FER1L6: variants seen among roughly 807,000 people sequenced by gnomAD.
FER1L6 encodes fer-1-like protein 6.
FER1L6 carries 177 observed loss-of-function variants against 219.2 expected under a neutral mutation model. The observed-to-expected ratio is 0.81, with a 90% CI of 0.71 to 0.91. FER1L6 has a LOEUF of 0.91. FER1L6 is among the 40% of genes least tolerant of loss of function. The probability of loss-of-function intolerance (pLI) is 0.00; values close to 1 mark genes in which losing one functional copy is unlikely to be tolerated. For synonymous variants in FER1L6, 768 were observed against 824.3 expected (o/e 0.93, Z 1.17); for missense variants, 2,153 against 2,259.9 (o/e 0.95, Z 0.96).
chr8:123,878,012 G>A (rs1010315869), intron 1 of FER1L6, among the ~76,000 whole-genome samples: 2 of 152,136 alleles, frequency 1.3e-5, no homozygotes, highest in East Asian at 3.9e-4. Context: ...TTGCTTTAAC[G>A]TTCTATTCTA....
At chr8:123,908,238 A>G (rs1415945460) in intron 1 of FER1L6, among the ~76,000 whole-genome samples, 9 of 152,226 alleles carry the variant, frequency 5.9e-5, no homozygotes. Flanking sequence ...TAGTTGAGGA[A>G]ATGGAAGTTT....
chr8:123,858,298 A>G lies in FER1L6; in HGVS notation c.-8+6113A>G, dbSNP rs552964698. 2.6e-5 allele frequency among the ~76,000 whole-genome samples: 4 copies of G among 152,300 alleles called. No homozygotes were observed. The South Asian group carries it at 8.3e-4, about 32-fold the overall frequency. ...TGCTGTTTTTAGAATATAGGAGAAT[A>G]TTATCTATTCTCTTAAACTTTGAGA... On this transcript the variant is annotated intron_variant, in intron 1 of 40. Coordinates refer to ENST00000522917, the MANE Select transcript of FER1L6 (RefSeq NM_001039112.2).
intron 22 of FER1L6, among the ~76,000 whole-genome samples, chr8:124,052,733 C>T (rs531865233): frequency 7.9e-5 from 12 of 152,026 alleles, no homozygotes; most frequent in African/African-American, 2.9e-4. Flanking sequence ...TGCTGTGAGC[C>T]GAGATCGTGT....
intron 25 of FER1L6, among the ~76,000 whole-genome samples, chr8:124,062,814 C>T (rs146164865): frequency 1.2e-3 from 181 of 152,228 alleles, no homozygotes; most frequent in African/African-American, 4.1e-3. Flanking sequence ...CCAGTAAATA[C>T]GCACATGTAT....
intron 12 of FER1L6, among the ~76,000 whole-genome samples, chr8:123,992,308 A>G (rs375565413): frequency 1.1e-4 from 16 of 151,746 alleles, no homozygotes; most frequent in African/African-American, 3.9e-4. Context: ...GGTAGAATTC[A>G]GCTGTGAATC....
intron 26 of FER1L6, among the ~76,000 whole-genome samples, chr8:124,065,718 C>T (rs1220890301): frequency 4.6e-5 from 7 of 152,182 alleles, no homozygotes; most frequent in South Asian, 2.1e-4. Context: ...CCCCCGCACT[C>T]GATAGAGTGC....
intron 20 of FER1L6, among the ~76,000 whole-genome samples, chr8:124,041,833 C>T (rs13253810): frequency 0.022 from 3,387 of 152,172 alleles, 52 homozygotes; most frequent in South Asian, 0.047. Flanking sequence ...TCTGGAGCTG[C>T]GCTGTCTGGG....
chr8:123,960,286 C>G (rs183334755), intron 2 of FER1L6, among the ~76,000 whole-genome samples: 1 of 152,106 alleles, frequency 6.6e-6, no homozygotes, highest in East Asian at 1.9e-4. Context: ...CAGCCACTCT[C>G]GTTTTTGCCG....
chr8:123,916,022 C>T (rs16893054), intron 1 of FER1L6, among the ~76,000 whole-genome samples: 50,902 of 151,942 alleles, frequency 0.34, 9,100 homozygotes, highest in East Asian at 0.44. Context: ...TGCTTCAAGG[C>T]GAGCCTGTGT....
At chr8:123,895,398 A>T (rs1183739129) in intron 1 of FER1L6, among the ~76,000 whole-genome samples, 1 of 152,226 alleles carries the variant, frequency 6.6e-6, no homozygotes, top group Non-Finnish European at 1.5e-5. Flanking sequence ...GCATCAGGTC[A>T]TTGTAATTCC....
intron 13 of FER1L6, among the ~76,000 whole-genome samples, chr8:124,007,781 G>A (rs1036069807): frequency 6.6e-6 from 1 of 152,174 alleles, no homozygotes; most frequent in Non-Finnish European, 1.5e-5. Flanking sequence ...AAGAATGGAA[G>A]AAAAGTGGAT....
At chr8:123,969,923 T>C (rs1473493140) in intron 5 of FER1L6, 112 bp from the exon 6 acceptor site, 5 of 775,952 alleles carry the variant, frequency 6.4e-6, no homozygotes, top group Non-Finnish European at 1.2e-5. Context: ...ATGATGTATA[T>C]ATATTCATGC....
chr8:123,883,223 G>C (rs1437093472), intron 1 of FER1L6, among the ~76,000 whole-genome samples: 2 of 152,216 alleles, frequency 1.3e-5, no homozygotes, highest in East Asian at 1.9e-4. Flanking sequence ...AGGTGGGGCT[G>C]TGCTGTGGCA....
chr8:124,038,771 G>A (rs1032002688), intron 19 of FER1L6, among the ~76,000 whole-genome samples: 11 of 152,106 alleles, frequency 7.2e-5, no homozygotes, highest in African/African-American at 7.2e-5. Flanking sequence ...ATTGTAGGGG[G>A]TGGAGGAGTT....
At position 123,910,485 on chromosome 8, in the gene FER1L6, G is replaced by A. The variant is rs116900746; in HGVS notation, c.-7-45507G>A. ...CATCTTTCAGTCCCATCCTCTGTGT[G>A]GCCACATCCTGTGATAACTTAACAT... On this transcript the variant is annotated intron_variant, in intron 1 of 40. Transcript: ENST00000522917. Among the ~76,000 whole-genome samples the A allele has an allele frequency of 4.6e-3, 708 of 152,262 alleles. 2 individuals are homozygous for A. Among genetic ancestry groups the A allele is most frequent in the Middle Eastern group, 0.017 (5 of 294 alleles).
chr8:123,904,374 C>A (rs1394443445), intron 1 of FER1L6, among the ~76,000 whole-genome samples: 4 of 151,568 alleles, frequency 2.6e-5, no homozygotes, highest in Non-Finnish European at 4.4e-5. Flanking sequence ...AATCTCAAAG[C>A]AAATAATCAC....
intron 35 of FER1L6, among the ~76,000 whole-genome samples, chr8:124,096,379 G>T (rs186573239): frequency 6.6e-6 from 1 of 152,102 alleles, no homozygotes; most frequent in African/African-American, 2.4e-5. Context: ...CTAGCCAAAG[G>T]CCCTTCCTCA....
intron 1 of FER1L6, among the ~76,000 whole-genome samples, chr8:123,944,741 C>G (rs1004450139): frequency 2.0e-5 from 3 of 152,072 alleles, no homozygotes; most frequent in Non-Finnish European, 4.4e-5. Context: ...TGTGTCTCAC[C>G]CAGTATGCTG....
At position 124,071,606 on chromosome 8, in the gene FER1L6, T is replaced by G. The variant is rs1821075190; in HGVS notation, c.4067T>G (p.Val1356Gly). 2 of 1,614,066 alleles carry G rather than the reference T, an allele frequency of 1.2e-6. No homozygotes were observed. Among genetic ancestry groups the G allele is most frequent in the Non-Finnish European group, 1.7e-6 (2 of 1,179,972 alleles). The change falls in exon 31 of 41, where the codon GTG becomes GGG. Residue 1356 changes from valine (V) to glycine (G), a missense_variant. Coordinates refer to ENST00000522917, the MANE Select transcript of FER1L6 (RefSeq NM_001039112.2). The stretch of plus-strand genomic sequence containing the variant: ...ATTCCGCCCAATCACCCTGTCACAG[T>G]GCTGATCAGAGTATACATTGTCGCG... The part of the protein sequence containing the change: ...QGIPPNHPVT[V>G]LIRVYIVAAF...
Sources: gnomAD v4.1 joint callset for allele counts (sites outside exome capture counted in the v4.1 genomes callset) on GRCh38, gnomAD v4.1.1 for gene constraint, MANE v1.5 for transcripts, NCBI Gene and HGNC (gene_info 2026-07-23, HGNC 2026-07-21) for gene names.